The following PTPRD variants were observed in gnomAD, a reference collection of about 807,000 sequenced individuals.
The protein encoded by PTPRD is receptor-type tyrosine-protein phosphatase delta.
Under a neutral mutation model 214.5 loss-of-function variants are expected in PTPRD, and 34 were observed. The ratio of observed to expected loss-of-function variants is 0.16; its 90% CI spans 0.12 to 0.21. The LOEUF is 0.21. Among genes scored for constraint, PTPRD ranks in the 10% least tolerant of loss-of-function variants. PTPRD has a pLI of 1.00. For synonymous variants in PTPRD, 1,128 were observed against 845.7 expected, an observed-to-expected ratio of 1.33 and a Z score of -5.79; for missense variants, 2,545 against 2,398.7, an observed-to-expected ratio of 1.06 and a Z score of -1.27.
At chr9:9,834,413 C>A (rs964742323) in intron 5 of PTPRD, among the ~76,000 whole-genome samples, 4 of 152,074 alleles carry the variant, frequency 2.6e-5, no homozygotes, top group Non-Finnish European at 4.4e-5. Flanking sequence ...ACCCTGAACT[C>A]CACAAATTCA....
chr9:9,942,117 A>G (rs2091613354), intron 4 of PTPRD, among the ~76,000 whole-genome samples: 1 of 152,088 alleles, frequency 6.6e-6, no homozygotes, highest in South Asian at 2.1e-4. Context: ...ACTTGCCTCC[A>G]TGCTTCCCAT....
chr9:8,792,573 T>C (rs2096271596), intron 11 of PTPRD, among the ~76,000 whole-genome samples: 1 of 152,202 alleles, frequency 6.6e-6, no homozygotes, highest in Admixed American at 6.5e-5. Flanking sequence ...TTAAATTCAT[T>C]TGATTTTACT....
chr9:10,018,723 G>T (rs980473491), intron 4 of PTPRD, among the ~76,000 whole-genome samples: 1 of 149,484 alleles, frequency 6.7e-6, no homozygotes, highest in South Asian at 2.1e-4. Context: ...AATTTTTTTT[G>T]TATTTTTAGT....
At chr9:9,342,300 C>G (rs556224157) in intron 9 of PTPRD, among the ~76,000 whole-genome samples, 1 of 152,192 alleles carries the variant, frequency 6.6e-6, no homozygotes, top group African/African-American at 2.4e-5. Context: ...GGGTCCCTGA[C>G]TATTTTATGC....
intron 3 of PTPRD, among the ~76,000 whole-genome samples, chr9:10,219,288 T>G (rs1375083975): frequency 2.0e-5 from 3 of 151,856 alleles, no homozygotes; most frequent in Non-Finnish European, 4.4e-5. Flanking sequence ...TTTATCCAAA[T>G]TTTGCTGCAA....
intron 11 of PTPRD, among the ~76,000 whole-genome samples, chr9:8,954,531 C>T (rs1247023268): frequency 8.5e-6 from 1 of 116,978 alleles, no homozygotes; most frequent in Non-Finnish European, 2.1e-5. Context: ...AAGTGGTAAA[C>T]ATGGAAAAAA....
At chr9:10,547,584 A>G (rs2060430782) in intron 2 of PTPRD, among the ~76,000 whole-genome samples, 1 of 152,064 alleles carries the variant, frequency 6.6e-6, no homozygotes, top group African/African-American at 2.4e-5. Flanking sequence ...ACATATATGA[A>G]TAATATATTT....
chr9:9,385,077 T>C (rs16929237), intron 9 of PTPRD, among the ~76,000 whole-genome samples: 3,241 of 152,206 alleles, frequency 0.021, 135 homozygotes, highest in African/African-American at 0.074. Context: ...TTTCATAGGT[T>C]GAACAAACAC....
chr9:8,862,517 T>C (rs1467940609), intron 11 of PTPRD, among the ~76,000 whole-genome samples: 4 of 152,252 alleles, frequency 2.6e-5, no homozygotes, highest in African/African-American at 9.6e-5. Context: ...ACTCCCATTC[T>C]GCAGATTTGA....
At chr9:9,332,279 G>A (rs1335683564) in intron 9 of PTPRD, among the ~76,000 whole-genome samples, 8 of 151,920 alleles carry the variant, frequency 5.3e-5, no homozygotes, top group East Asian at 1.9e-4. Flanking sequence ...TCCAGAAACA[G>A]CAGGTGAATC....
chr9:8,676,378 A>ATTTTTT (rs559455727), intron 12 of PTPRD, among the ~76,000 whole-genome samples: 4 of 111,622 alleles, frequency 3.6e-5, no homozygotes, highest in East Asian at 2.6e-4. Context: ...GCTCATTTTC[A>ATTTTTT]TTTTTTTTTT....
At chr9:9,833,060 C>A (rs1268128984) in intron 5 of PTPRD, among the ~76,000 whole-genome samples, 1 of 151,880 alleles carries the variant, frequency 6.6e-6, no homozygotes, top group Non-Finnish European at 1.5e-5. Flanking sequence ...TCTAATAATA[C>A]CTGACAAACA....
chr9:10,432,979 G>C (rs2098693104), intron 2 of PTPRD, among the ~76,000 whole-genome samples: 1 of 151,622 alleles, frequency 6.6e-6, no homozygotes, highest in South Asian at 2.1e-4. Context: ...TGCCTTTCTT[G>C]TCAGGTCCAT....
At chr9:9,424,477 G>C (rs1037489933) in intron 8 of PTPRD, among the ~76,000 whole-genome samples, 3 of 152,090 alleles carry the variant, frequency 2.0e-5, no homozygotes, top group African/African-American at 7.2e-5. Flanking sequence ...GGTGAAGTGG[G>C]GTGGGATGAC....
chr9:8,621,221 T>C (rs1415844093), intron 14 of PTPRD, among the ~76,000 whole-genome samples: 2 of 151,892 alleles, frequency 1.3e-5, no homozygotes, highest in Middle Eastern at 3.4e-3. Flanking sequence ...CACCCGAGTA[T>C]GGCAAGAGTT....
In PTPRD at chr9:9,320,655, C is replaced by T. The variant is rs367743595; in HGVS notation, c.-203+76794G>A. 2.6e-4 allele frequency among the ~76,000 whole-genome samples: 39 copies of T among 152,148 alleles called. 1 individual carries two copies. In the East Asian group the frequency reaches 7.2e-3, roughly 28 times the overall value. The stretch of plus-strand genomic sequence containing the variant: ...GGATTGAGTAGACCTTTCTAGTGAC[C>T]AATGAGTCATAAGACAGCAAAACCA... On this transcript the variant is annotated intron_variant, in intron 9 of 45. Coordinates refer to ENST00000381196, the MANE Select transcript of PTPRD (RefSeq NM_002839.4).
intron 5 of PTPRD, among the ~76,000 whole-genome samples, chr9:9,844,129 T>A (rs2058941709): frequency 6.6e-6 from 1 of 152,064 alleles, no homozygotes; most frequent in Non-Finnish European, 1.5e-5. Context: ...AATTGATTTT[T>A]TTCATTGTTT....
At chr9:9,567,239 A>C (rs1288192010) in intron 8 of PTPRD, among the ~76,000 whole-genome samples, 1 of 151,438 alleles carries the variant, frequency 6.6e-6, no homozygotes, top group East Asian at 1.9e-4. Context: ...AAAAATGCAG[A>C]GATGATTGAT....
intron 4 of PTPRD, among the ~76,000 whole-genome samples, chr9:10,002,521 GA>G (rs1173275126): frequency 6.6e-6 from 1 of 150,638 alleles, no homozygotes; most frequent in Admixed American, 6.6e-5. Context: ...GTTACCAAAA[GA>G]AAACTAAAGT....
Sources: allele counts gnomAD v4.1 joint callset (sites outside exome capture counted in the v4.1 genomes callset), GRCh38; gene constraint gnomAD v4.1.1; transcripts MANE v1.5; gene names NCBI Gene and HGNC (gene_info 2026-07-23, HGNC 2026-07-21).